The following STIL variants were observed in gnomAD, a reference collection of about 807,000 sequenced individuals.
The protein encoded by STIL is SCL-interrupting locus protein.
Under a neutral mutation model 110.1 loss-of-function variants are expected in STIL, and 55 were observed. That is an observed-to-expected ratio of 0.50 (90% CI 0.40 to 0.63). The LOEUF is 0.63. Ranked by LOEUF, STIL falls within the 20% of genes least tolerant of loss-of-function variation. The pLI is 0.00. For synonymous variants in STIL, 481 were observed against 530.0 expected (o/e 0.91, Z 1.27); for missense variants, 1,358 against 1,530.0 (o/e 0.89, Z 1.87).
intron 13 of STIL, among the ~76,000 whole-genome samples, chr1:47,270,670 CTTTTT>C (rs542462270): frequency 0.3 from 28,232 of 93,712 alleles, 3,831 homozygotes; most frequent in Middle Eastern, 0.49. Flanking sequence ...GTTTCCCAAT[CTTTTT>C]TTTTTTTTTT....
intron 6 of STIL, among the ~76,000 whole-genome samples, chr1:47,298,402 C>G (rs755328036): frequency 1.3e-5 from 2 of 152,154 alleles, no homozygotes; most frequent in Non-Finnish European, 2.9e-5. Context: ...CTTACATTTC[C>G]TAAGAAATTA....
At position 47,251,067 on chromosome 1, in the gene STIL, C is replaced by G. The variant is rs1644168545; in HGVS notation, c.*69G>C. 1 of 1,475,310 alleles carries G rather than the reference C, an allele frequency of 6.8e-7. No homozygotes were observed. The highest frequency in any genetic ancestry group is 9.2e-7 in the Non-Finnish European group (1 of 1,082,752). The allele number at this position is 1,475,310 out of a possible 1,614,324, so 91.4% of individuals were successfully genotyped here. On this transcript the variant is annotated 3_prime_UTR_variant, in exon 17 of 17. Coordinates refer to ENST00000371877, the MANE Select transcript of STIL (RefSeq NM_001048166.1). ...GAATGATCAGGAGCCTTGTGGTAGG[C>G]TCCTGTTTTCCCTAAGTATCTTCAG...
chr1:47,310,236 A>G (rs1446033150), intron 2 of STIL, 40 bp downstream of exon 2: 1 of 1,593,300 alleles, frequency 6.3e-7, no homozygotes, highest in African/African-American at 1.3e-5. Flanking sequence ...AAGTTATGTG[A>G]AAAGCTGTAA....
At chr1:47,308,948 T>G (rs984263690) in intron 2 of STIL, among the ~76,000 whole-genome samples, 2 of 151,004 alleles carry the variant, frequency 1.3e-5, no homozygotes, top group Non-Finnish European at 1.5e-5. Context: ...GCTACTCGAG[T>G]GGCTGAGACA....
intron 14 of STIL, 48 bp from the exon 15 acceptor site, chr1:47,263,164 T>A: frequency 6.5e-7 from 1 of 1,537,482 alleles, no homozygotes; most frequent in Non-Finnish European, 8.9e-7. Flanking sequence ...CTTTAACATA[T>A]AATTGAAATG....
At chr1:47,254,557 G>T (rs1279204118) in intron 16 of STIL, among the ~76,000 whole-genome samples, 1 of 151,608 alleles carries the variant, frequency 6.6e-6, no homozygotes, top group Admixed American at 6.6e-5. Flanking sequence ...TTGAGACAAG[G>T]TCTCACTCTG....
At chr1:47,312,272 C>T (rs557974641) in intron 1 of STIL, among the ~76,000 whole-genome samples, 1 of 151,936 alleles carries the variant, frequency 6.6e-6, no homozygotes, top group African/African-American at 2.4e-5. Flanking sequence ...GGGTGGATCA[C>T]GAGGTCAGGA....
chr1:47,303,047 C>T (rs1399303348), intron 3 of STIL, among the ~76,000 whole-genome samples: 1 of 151,584 alleles, frequency 6.6e-6, no homozygotes, highest in Non-Finnish European at 1.5e-5. Flanking sequence ...AAAAGGAAAA[C>T]CAAAATATAA....
intron 9 of STIL, among the ~76,000 whole-genome samples, chr1:47,288,892 CAAAAAA>C (rs138649605): frequency 1.1e-5 from 1 of 94,788 alleles, no homozygotes; most frequent in Non-Finnish European, 2.1e-5. Context: ...AATGAAAATA[CAAAAAA>C]AAAAAAAAAA....
chr1:47,290,263 A>T (rs1645441490), intron 8 of STIL, among the ~76,000 whole-genome samples: 1 of 152,226 alleles, frequency 6.6e-6, no homozygotes, highest in Admixed American at 6.5e-5. Flanking sequence ...AAATATGACT[A>T]AAAAACAGTA....
chr1:47,251,101 CTG>C lies in STIL; in HGVS notation c.*33_*34del. Reference sequence around the variant, plus strand: ...TCCCTAAGTATCTTCAGGAGACACCCTGTCCCTGTATTAAAAGGGCAGGGAGT... The same window carrying C: ...TCCCTAAGTATCTTCAGGAGACACCCTCCCTGTATTAAAAGGGCAGGGAGT... On this transcript the variant is annotated 3_prime_UTR_variant, in exon 17 of 17. Coordinates refer to ENST00000371877, the MANE Select transcript of STIL (RefSeq NM_001048166.1). The C allele has an allele frequency of 6.3e-7, 1 of 1,597,962 alleles. No individual in the cohort carries two copies. Among genetic ancestry groups the C allele is most frequent in the Non-Finnish European group, 8.6e-7 (1 of 1,169,210 alleles).
intron 3 of STIL, 68 bp downstream of exon 3, chr1:47,304,821 T>C: frequency 8.5e-7 from 1 of 1,182,524 alleles, no homozygotes; most frequent in Non-Finnish European, 1.3e-6. Flanking sequence ...TAATCAACTT[T>C]GCCTTATACA....
intron 5 of STIL, among the ~76,000 whole-genome samples, chr1:47,300,370 C>A (rs755422242): frequency 6.6e-6 from 1 of 152,140 alleles, no homozygotes; most frequent in Non-Finnish European, 1.5e-5. Context: ...TCCCAAGCTC[C>A]ACTACACATT....
rs1347992464 is a variant in STIL at position 47,303,977 on chromosome 1, C to T, written c.152+912G>A. Among the ~76,000 whole-genome samples the T allele has an allele frequency of 2.0e-5, 3 of 152,060 alleles. 1 individual carries two copies. The highest frequency in any genetic ancestry group is 7.2e-5 in the African/African-American group (3 of 41,396). Reference sequence around the variant, plus strand: ...ATACTTTCTATTCCAGGCACTGTGACAATTGCTTTACAGAGTCTTATTTAA... The same window carrying T: ...ATACTTTCTATTCCAGGCACTGTGATAATTGCTTTACAGAGTCTTATTTAA... On this transcript the variant is annotated intron_variant, in intron 3 of 16. Coordinates refer to ENST00000371877, the MANE Select transcript of STIL (RefSeq NM_001048166.1).
intron 12 of STIL, among the ~76,000 whole-genome samples, chr1:47,279,165 C>T (rs914666289): frequency 6.6e-6 from 1 of 151,762 alleles, no homozygotes; most frequent in South Asian, 2.1e-4. Flanking sequence ...CGGGCATAGT[C>T]CCAGCTACTC....
At chr1:47,291,056 A>G (rs1447470748) in intron 8 of STIL, among the ~76,000 whole-genome samples, 1 of 152,044 alleles carries the variant, frequency 6.6e-6, no homozygotes, top group Non-Finnish European at 1.5e-5. Flanking sequence ...CTCCCTGACC[A>G]CCTATTTAAA....
chr1:47,270,894 G>C (rs1305258514), intron 13 of STIL, among the ~76,000 whole-genome samples: 1 of 151,782 alleles, frequency 6.6e-6, no homozygotes, highest in Non-Finnish European at 1.5e-5. Flanking sequence ...GACCAGGCTG[G>C]TCTCGAACTC....
intron 16 of STIL, among the ~76,000 whole-genome samples, chr1:47,252,124 C>T (rs1644202391): frequency 6.6e-6 from 1 of 152,198 alleles, no homozygotes; most frequent in African/African-American, 2.4e-5. Context: ...CCCAAGCCTC[C>T]AATCCCAGCA....
intron 9 of STIL, among the ~76,000 whole-genome samples, chr1:47,288,157 C>T (rs576199386): frequency 3.3e-4 from 50 of 150,308 alleles, no homozygotes; most frequent in Admixed American, 7.3e-4. Context: ...TGAGTGGACA[C>T]GTGGTTATTT....
Sources: gnomAD v4.1 joint callset for allele counts (sites outside exome capture counted in the v4.1 genomes callset) on GRCh38, gnomAD v4.1.1 for gene constraint, MANE v1.5 for transcripts, NCBI Gene and HGNC (gene_info 2026-07-23, HGNC 2026-07-21) for gene names.